The following CDH10 variants were observed in gnomAD, a reference collection of about 807,000 sequenced individuals.
The protein encoded by CDH10 is cadherin 10.
A neutral mutation model predicts 73.1 loss-of-function variants in CDH10; 30 were observed. The observed-to-expected ratio is 0.41, with a 90% confidence interval of 0.31 to 0.56. The LOEUF is 0.56. Among genes scored for constraint, CDH10 ranks in the 20% least tolerant of loss-of-function variants. The probability of loss-of-function intolerance (pLI) is 0.27; values close to 1 mark genes in which losing one functional copy is unlikely to be tolerated. For synonymous variants in CDH10, 345 were observed against 348.2 expected (o/e 0.99, Z 0.10); for missense variants, 815 against 973.7 (o/e 0.84, Z 2.17).
chr5:24,558,808 A>G (rs1464344174), intron 2 of CDH10, among the ~76,000 whole-genome samples: 2 of 151,850 alleles, frequency 1.3e-5, no homozygotes, highest in African/African-American at 4.8e-5. Flanking sequence ...TAGAATCAGG[A>G]CGTTTAATCA....
chr5:24,577,780 T>C (rs1745657718), intron 2 of CDH10, among the ~76,000 whole-genome samples: 1 of 152,166 alleles, frequency 6.6e-6, no homozygotes, highest in Non-Finnish European at 1.5e-5. Context: ...CTCTCATATA[T>C]GTTATAAAAA....
chr5:24,501,656 T>C (rs988144443), intron 8 of CDH10, among the ~76,000 whole-genome samples: 8 of 152,196 alleles, frequency 5.3e-5, no homozygotes, highest in Non-Finnish European at 1.0e-4. Flanking sequence ...AATCATTATC[T>C]AGAAATCACA....
intron 2 of CDH10, among the ~76,000 whole-genome samples, chr5:24,548,561 T>A (rs547898944): frequency 6.6e-6 from 1 of 151,424 alleles, no homozygotes; most frequent in Admixed American, 6.6e-5. Flanking sequence ...AATGGTATTA[T>A]GGAGAGTAAT....
At chr5:24,586,434 CTTTTTTTTTT>C (rs35486231) in intron 2 of CDH10, among the ~76,000 whole-genome samples, 4 of 100,420 alleles carry the variant, frequency 4.0e-5, no homozygotes, top group Non-Finnish European at 5.6e-5. Flanking sequence ...TTATTAACTC[CTTTTTTTTTT>C]TTTTTTTTTT....
intron 5 of CDH10, among the ~76,000 whole-genome samples, chr5:24,522,614 C>A (rs1165918713): frequency 6.6e-6 from 1 of 152,176 alleles, no homozygotes; most frequent in Non-Finnish European, 1.5e-5. Flanking sequence ...ATCTTCAGGT[C>A]TGCCAAATTG....
intron 2 of CDH10, among the ~76,000 whole-genome samples, chr5:24,538,650 A>ATATGTAATTG (rs1433338586): frequency 2.5e-4 from 38 of 152,188 alleles, no homozygotes; most frequent in Admixed American, 3.9e-4. Context: ...ATACTACTGT[A>ATATGTAATTG]CTAGTGACTG....
chr5:24,604,263 C>T (rs1410073570), intron 1 of CDH10, among the ~76,000 whole-genome samples: 4 of 152,032 alleles, frequency 2.6e-5, no homozygotes, highest in African/African-American at 9.7e-5. Flanking sequence ...GGGAGGATTG[C>T]TTGAGCCCAG....
In CDH10 at chr5:24,537,689, A is replaced by C; in HGVS notation, c.232-15T>G. On this transcript the variant is annotated splice_polypyrimidine_tract_variant and intron_variant, in intron 2 of 11. Coordinates refer to ENST00000264463, the MANE Select transcript of CDH10 (RefSeq NM_006727.5). Reference sequence around the variant, plus strand: ...TCTGAATGTAGCTAGGGGAAATAAAAAAGAGTATATCCATGATCATGTATA... The same window carrying C: ...TCTGAATGTAGCTAGGGGAAATAAACAAGAGTATATCCATGATCATGTATA... The C allele has an allele frequency of 6.6e-7, 1 of 1,514,658 alleles. No homozygotes were observed. Among genetic ancestry groups the C allele is most frequent in the Non-Finnish European group, 9.0e-7 (1 of 1,105,462 alleles). 93.8% of individuals were successfully genotyped at this position (1,514,658 alleles called of 1,614,324 possible).
At chr5:24,614,231 C>T (rs1186638060) in intron 1 of CDH10, among the ~76,000 whole-genome samples, 2 of 152,090 alleles carry the variant, frequency 1.3e-5, no homozygotes, top group East Asian at 3.8e-4. Context: ...AGGCTATATC[C>T]TTGCAATGAA....
At chr5:24,490,615 G>T (rs764479771) in intron 11 of CDH10, among the ~76,000 whole-genome samples, 2 of 152,150 alleles carry the variant, frequency 1.3e-5, no homozygotes, top group African/African-American at 4.8e-5. Context: ...TCTATAGAAT[G>T]AAGTAGACAT....
At position 24,492,942 on chromosome 5, in the gene CDH10, A is replaced by G. The variant is rs768601183; in HGVS notation, c.1516-17T>C. 38 of 937,666 alleles carry G rather than the reference A, an allele frequency of 4.1e-5. No individual in the cohort carries two copies. Among genetic ancestry groups the G allele is most frequent in the Non-Finnish European group, 6.4e-5 (36 of 564,248 alleles). The allele number at this position is 937,666 out of a possible 1,614,324, so 58.1% of individuals were successfully genotyped here. On this transcript the variant is annotated splice_polypyrimidine_tract_variant and intron_variant, in intron 9 of 11. Coordinates refer to ENST00000264463, the MANE Select transcript of CDH10 (RefSeq NM_006727.5). ...CTGTATTAGCTGCAGAAAAAGAAAA[A>G]TATATCTCATCAATATATCTCTTAT...
At chr5:24,535,054 C>CT in intron 5 of CDH10, 58 bp downstream of exon 5, 1 of 1,383,186 alleles carries the variant, frequency 7.2e-7, no homozygotes, top group Non-Finnish European at 9.7e-7. Flanking sequence ...CTTTCTTTGT[C>CT]TGTCTTTTTT....
intron 1 of CDH10, among the ~76,000 whole-genome samples, chr5:24,630,991 A>G (rs1010805647): frequency 1.3e-5 from 2 of 152,242 alleles, no homozygotes; most frequent in East Asian, 3.9e-4. Context: ...AGCTAGATTG[A>G]ATACTTTGGC....
In CDH10 at chr5:24,514,559, T is replaced by G. The variant is rs188849879; in HGVS notation, c.815-3045A>C. Among the ~76,000 whole-genome samples, 511 of 152,272 alleles carry G rather than the reference T, an allele frequency of 3.4e-3. 2 individuals are homozygous for G. The highest frequency in any genetic ancestry group is 5.9e-3 in the Admixed American group (91 of 15,298). The stretch of plus-strand genomic sequence containing the variant: ...AAGAACTCTCTTTAAAAAATTAAAT[T>G]TTACACAAGTGGCACTTCAATAAAT... On this transcript the variant is annotated intron_variant, in intron 5 of 11. Coordinates refer to ENST00000264463, the MANE Select transcript of CDH10 (RefSeq NM_006727.5).
intron 5 of CDH10, 123 bp from the exon 6 acceptor site, chr5:24,511,637 T>C (rs1156531287): frequency 1.7e-6 from 1 of 603,956 alleles, no homozygotes; most frequent in Admixed American, 3.0e-5. Flanking sequence ...AGACGCAATA[T>C]AATAGATCTT....
chr5:24,530,502 T>A (rs1028959132), intron 5 of CDH10, among the ~76,000 whole-genome samples: 3 of 151,966 alleles, frequency 2.0e-5, no homozygotes, highest in African/African-American at 7.2e-5. Flanking sequence ...TAAACAGGAC[T>A]AAAAATATTC....
chr5:24,591,982 A>C (rs1746215312), intron 2 of CDH10, among the ~76,000 whole-genome samples: 1 of 151,870 alleles, frequency 6.6e-6, no homozygotes, highest in Non-Finnish European at 1.5e-5. Flanking sequence ...AAAGTTGTCT[A>C]TGAGAGCAAC....
intron 2 of CDH10, among the ~76,000 whole-genome samples, chr5:24,546,127 C>T (rs1744328043): frequency 2.0e-5 from 3 of 151,846 alleles, no homozygotes; most frequent in Admixed American, 1.3e-4. Context: ...TTTTGAGACA[C>T]GAACTAAAAT....
chr5:24,559,136 T>TAC (rs1744869367), intron 2 of CDH10, among the ~76,000 whole-genome samples: 1 of 105,356 alleles, frequency 9.5e-6, no homozygotes, highest in Non-Finnish European at 2.1e-5. Context: ...TACACAAATA[T>TAC]GCTGTCAGGA....
Sources: allele counts gnomAD v4.1 joint callset (sites outside exome capture counted in the v4.1 genomes callset), GRCh38; gene constraint gnomAD v4.1.1; transcripts MANE v1.5; gene names NCBI Gene and HGNC (gene_info 2026-07-23, HGNC 2026-07-21).